The following CHIC1 variants were observed in gnomAD, a reference collection of about 807,000 sequenced individuals.
CHIC1 encodes the protein cysteine rich hydrophobic domain 1.
In CHIC1, 7 loss-of-function variants were observed where a neutral mutation model predicts 18.5. That is an observed-to-expected ratio of 0.38 (90% CI 0.22 to 0.71). The LOEUF is 0.71. Ranked by LOEUF, CHIC1 falls within the 30% of genes least tolerant of loss-of-function variation. CHIC1 has a pLI of 0.49. For missense variants in CHIC1, 159 were observed against 176.9 expected (o/e 0.90, Z 0.57); for synonymous variants, 77 against 73.5 (o/e 1.05, Z -0.25).
At chrX:73,572,453 A>G (rs2057475592) in intron 1 of CHIC1, among the ~76,000 whole-genome samples, 1 of 110,931 alleles carries the variant, frequency 9.0e-6, no homozygotes, top group Non-Finnish European at 1.9e-5. Flanking sequence ...TGGTAGAACA[A>G]TGTATCTTCC....
intron 3 of CHIC1, among the ~76,000 whole-genome samples, chrX:73,638,742 G>A (rs959886089): frequency 1.8e-5 from 2 of 110,974 alleles, no homozygotes; most frequent in African/African-American, 6.5e-5. Context: ...CTGTGTTCCT[G>A]TTGTTTAACT....
intron 2 of CHIC1, among the ~76,000 whole-genome samples, chrX:73,581,407 G>A (rs886259335): frequency 5.4e-5 from 6 of 110,950 alleles, no homozygotes; most frequent in African/African-American, 2.0e-4. Context: ...GTCTTCTGCT[G>A]TCTAACCTTC....
At chrX:73,675,202 A>G (rs2058055249) in intron 3 of CHIC1, among the ~76,000 whole-genome samples, 1 of 111,502 alleles carries the variant, frequency 9.0e-6, no homozygotes, top group Admixed American at 9.5e-5. Context: ...AAGAATGTAT[A>G]TTCTGTTGAT....
chrX:73,613,269 A>G (rs2057717487), intron 3 of CHIC1, among the ~76,000 whole-genome samples: 1 of 111,356 alleles, frequency 9.0e-6, no homozygotes, highest in African/African-American at 3.3e-5. Flanking sequence ...TCCAAATCTC[A>G]TGTTGAAATT....
rs925463814 is a variant in CHIC1, at chrX:73,683,795, C to T, written c.*2790C>T. 42 of 111,799 alleles carry T rather than the reference C, an allele frequency of 3.8e-4. No homozygotes were observed. Among genetic ancestry groups the T allele is most frequent in the African/African-American group, 1.4e-3 (42 of 30,878 alleles). 9.2% of individuals were successfully genotyped at this position (111,799 alleles called of 1,213,427 possible). On this transcript the variant is annotated 3_prime_UTR_variant, in exon 6 of 6. Transcript: ENST00000373502. Reference sequence around the variant, plus strand: ...ATTCTGGCTTCATAAATTTGTCCAACTGGCTATTTTTAAGCTTGTCCTAAA... The same window carrying T: ...ATTCTGGCTTCATAAATTTGTCCAATTGGCTATTTTTAAGCTTGTCCTAAA...
chrX:73,612,667 A>G (rs1448189048), intron 3 of CHIC1, among the ~76,000 whole-genome samples: 2 of 111,910 alleles, frequency 1.8e-5, no homozygotes, highest in African/African-American at 3.3e-5. Context: ...GTGACCTGAA[A>G]AGATCAGTGA....
At chrX:73,594,599 T>C (rs2057598157) in intron 3 of CHIC1, among the ~76,000 whole-genome samples, 1 of 112,317 alleles carries the variant, frequency 8.9e-6, no homozygotes, top group Non-Finnish European at 1.9e-5. Flanking sequence ...TACTCAGTAG[T>C]GTGCCTCTTT....
intron 5 of CHIC1, among the ~76,000 whole-genome samples, chrX:73,680,708 A>G (rs1426760984): frequency 1.8e-5 from 2 of 111,306 alleles, no homozygotes; most frequent in African/African-American, 6.5e-5. Flanking sequence ...GTTATTGTAA[A>G]TCAGATAGTA....
intron 3 of CHIC1, among the ~76,000 whole-genome samples, chrX:73,676,175 C>T (rs1417790910): frequency 7.2e-5 from 8 of 111,643 alleles, no homozygotes; most frequent in South Asian, 3.8e-4. Flanking sequence ...TTTTTTCCTT[C>T]GTTTCAACTT....
At chrX:73,615,344 T>G (rs1441894525) in intron 3 of CHIC1, among the ~76,000 whole-genome samples, 1 of 111,637 alleles carries the variant, frequency 9.0e-6, no homozygotes, top group Non-Finnish European at 1.9e-5. Flanking sequence ...GGTGCTTCAG[T>G]GCTGGTAGTT....
intron 3 of CHIC1, among the ~76,000 whole-genome samples, chrX:73,616,062 T>C (rs1291777035): frequency 9.1e-6 from 1 of 110,195 alleles, no homozygotes; most frequent in Non-Finnish European, 1.9e-5. Flanking sequence ...ATTTGGAGAT[T>C]CCAGGGTTAT....
intron 3 of CHIC1, among the ~76,000 whole-genome samples, chrX:73,645,693 G>A (rs188731718): frequency 9.9e-4 from 110 of 111,482 alleles, no homozygotes; most frequent in Non-Finnish European, 1.5e-3. Flanking sequence ...ATACCTGTTG[G>A]CTACCTGTAT....
intron 3 of CHIC1, among the ~76,000 whole-genome samples, chrX:73,660,709 C>T (rs1045898858): frequency 9.0e-6 from 1 of 110,666 alleles, no homozygotes; most frequent in Non-Finnish European, 1.9e-5. Flanking sequence ...TTTCTGGTAC[C>T]GGGTTGGGTC....
chrX:73,626,798 A>G (rs1361539993), intron 3 of CHIC1, among the ~76,000 whole-genome samples: 1 of 111,047 alleles, frequency 9.0e-6, no homozygotes, highest in East Asian at 2.8e-4. Context: ...TTTGGTTCCT[A>G]GTGCCTTATT....
rs1457560894 is a variant in CHIC1, at chrX:73,682,275, A to G, written c.*1270A>G. The G allele has an allele frequency of 8.9e-6, 1 of 111,984 alleles. No homozygotes were observed. Among genetic ancestry groups the G allele is most frequent in the African/African-American group, 3.2e-5 (1 of 30,957 alleles). 9.2% of individuals were successfully genotyped at this position (111,984 alleles called of 1,213,427 possible). A position where few individuals can be genotyped will look rare whatever the true frequency, so the allele number is the denominator to read the frequency against. On this transcript the variant is annotated 3_prime_UTR_variant, in exon 6 of 6. Transcript: ENST00000373502. ...CATATGTAACATTTATTTGGTCCATATTTCTCTATTTTTCTTCACAATTAA... is the reference window on the plus strand; with the variant it reads ...CATATGTAACATTTATTTGGTCCATGTTTCTCTATTTTTCTTCACAATTAA...
intron 3 of CHIC1, among the ~76,000 whole-genome samples, chrX:73,639,417 A>T (rs1358888284): frequency 9.0e-6 from 1 of 111,720 alleles, no homozygotes; most frequent in Non-Finnish European, 1.9e-5. Flanking sequence ...ATGGATATTA[A>T]AACTTTGTTG....
intron 3 of CHIC1, among the ~76,000 whole-genome samples, chrX:73,651,629 C>G (rs773805694): frequency 3.6e-5 from 4 of 109,941 alleles, no homozygotes; most frequent in Non-Finnish European, 7.6e-5. Context: ...CCCAATCACA[C>G]TTGCTACAAA....
At chrX:73,575,150 A>T (rs746524046) in intron 1 of CHIC1, among the ~76,000 whole-genome samples, 1 of 110,778 alleles carries the variant, frequency 9.0e-6, no homozygotes, top group South Asian at 3.7e-4. Context: ...AATAACCCAT[A>T]GTTCCTGTTT....
At chrX:73,565,685 T>C (rs1455391872) in intron 1 of CHIC1, among the ~76,000 whole-genome samples, 3 of 112,088 alleles carry the variant, frequency 2.7e-5, no homozygotes, top group Admixed American at 1.9e-4. Flanking sequence ...GAAATGGGTC[T>C]TTGTATGGTA....
Sources: gnomAD v4.1 joint callset for allele counts (sites outside exome capture counted in the v4.1 genomes callset) on GRCh38, gnomAD v4.1.1 for gene constraint, MANE v1.5 for transcripts, NCBI Gene and HGNC (gene_info 2026-07-23, HGNC 2026-07-21) for gene names.